The following BIN3 variants were observed in gnomAD, a reference collection of about 807,000 sequenced individuals.
BIN3 encodes the protein bridging integrator 3.
Under a neutral mutation model 38.2 loss-of-function variants are expected in BIN3, and 41 were observed. That is an observed-to-expected ratio of 1.07 (90% confidence interval 0.84 to 1.39). The LOEUF is 1.39. Ranked by LOEUF, BIN3 falls within the 40% of genes most tolerant of loss-of-function variation. BIN3 has a pLI of 0.00. For synonymous variants in BIN3, 145 were observed against 122.6 expected (o/e 1.18, Z -1.21); for missense variants, 361 against 324.3 (o/e 1.11, Z -0.87).
chr8:22,656,334 C>T (rs1291285092), intron 1 of BIN3, among the ~76,000 whole-genome samples: 1 of 151,480 alleles, frequency 6.6e-6, no homozygotes, highest in Admixed American at 6.6e-5. Context: ...AGGTTCATTC[C>T]ATGAAGTTTT....
Position 22,644,758 on chromosome 8 carries a change from T to G in BIN3, c.54A>C (p.Lys18Asn). 6.2e-7 allele frequency: 1 copy of G among 1,611,848 alleles called. No homozygotes were observed. The highest frequency in any genetic ancestry group is 8.5e-7 in the Non-Finnish European group (1 of 1,178,856). Residue 18 changes from lysine to asparagine, a missense_variant, in exon 2 of 9, where the codon AAA (lysine) becomes AAC (asparagine). Transcript: ENST00000276416. ...IGQPKKQIVP[K>N]TVERDFEREY... ...GCAAAACAATCGAGTTACTCACTGTTTTGGGCACAATCTGTTTCTTGGGCT... is the reference window on the plus strand; with the variant it reads ...GCAAAACAATCGAGTTACTCACTGTGTTGGGCACAATCTGTTTCTTGGGCT...
chr8:22,643,923 G>A (rs1802640272), intron 2 of BIN3, among the ~76,000 whole-genome samples: 1 of 152,200 alleles, frequency 6.6e-6, no homozygotes, highest in Non-Finnish European at 1.5e-5. Context: ...GGGTCAGGAG[G>A]TTGAAAAGGC....
intron 4 of BIN3, 70 bp downstream of exon 4, chr8:22,636,455 G>A (rs1226054173): frequency 4.7e-6 from 7 of 1,481,962 alleles, no homozygotes; most frequent in Admixed American, 2.0e-5. Flanking sequence ...CCCTTGGGGG[G>A]CTGAGAGAGG....
rs1554571196 is a variant in BIN3 at position 22,648,939 on chromosome 8, G to GTATGTATC, written c.9-4137_9-4136insGATACATA. On this transcript the variant is annotated intron_variant, in intron 1 of 8. Coordinates refer to ENST00000276416, the MANE Select transcript of BIN3 (RefSeq NM_018688.6). The stretch of plus-strand genomic sequence containing the variant: ...TGTATGTATGTATGTATGTATGTAT[G>GTATGTATC]TAAGTGTGTGTGTGTATTTCCTTAC... Among the ~76,000 whole-genome samples the GTATGTATC allele has an allele frequency of 6.6e-4, 100 of 151,978 alleles. 1 individual carries two copies. Among genetic ancestry groups the GTATGTATC allele is most frequent in the African/African-American group, 2.3e-3 (94 of 41,392 alleles).
intron 1 of BIN3, 99 bp from the exon 2 acceptor site, chr8:22,644,902 A>T: frequency 1.9e-6 from 2 of 1,080,370 alleles, no homozygotes; most frequent in Non-Finnish European, 2.8e-6. Flanking sequence ...CAGGAGGGCG[A>T]GGAAGCGTGG....
intron 6 of BIN3, among the ~76,000 whole-genome samples, chr8:22,627,905 C>T (rs567854390): frequency 6.6e-5 from 10 of 152,388 alleles, no homozygotes; most frequent in Admixed American, 4.6e-4. Flanking sequence ...AGACTGTAAG[C>T]TCCTGAAGTC....
chr8:22,620,988 G>A lies in BIN3; in HGVS notation c.*434C>T, dbSNP rs1046791147. On this transcript the variant is annotated 3_prime_UTR_variant, in exon 9 of 9. Transcript: ENST00000276416. ...CGCACAGGGTTCAGGGCCTCTCCCA[G>A]AAAAAAGAGGTTTTGAAGTGAAAAG... is the stretch of plus-strand genomic sequence containing the variant. The A allele has an allele frequency of 6.3e-6, 1 of 157,678 alleles. No homozygotes were observed. The highest frequency in any genetic ancestry group is 2.4e-5 in the African/African-American group (1 of 41,536). The allele number at this position is 157,678 out of a possible 1,614,324, so 9.8% of individuals were successfully genotyped here.
At chr8:22,650,844 G>C (rs57864391) in intron 1 of BIN3, among the ~76,000 whole-genome samples, 2,533 of 152,246 alleles carry the variant, frequency 0.017, 66 homozygotes, top group African/African-American at 0.057. Flanking sequence ...GGTACCCATC[G>C]CTATTTCATG....
At chr8:22,631,220 T>A (rs542170070) in intron 4 of BIN3, among the ~76,000 whole-genome samples, 4 of 152,102 alleles carry the variant, frequency 2.6e-5, no homozygotes, top group Admixed American at 1.3e-4. Context: ...TTCCTCAATA[T>A]CCAGTAGGAA....
chr8:22,662,043 C>T (rs1803253404), intron 1 of BIN3, among the ~76,000 whole-genome samples: 1 of 152,230 alleles, frequency 6.6e-6, no homozygotes, highest in Non-Finnish European at 1.5e-5. Flanking sequence ...GATCTGCCCG[C>T]CTCTGCCTCC....
At chr8:22,627,698 C>T (rs1802045779) in intron 6 of BIN3, among the ~76,000 whole-genome samples, 1 of 152,222 alleles carries the variant, frequency 6.6e-6, no homozygotes, top group East Asian at 1.9e-4. Flanking sequence ...AACCTCCTCT[C>T]CCACTCCTAG....
Position 22,623,906 on chromosome 8 carries a change from C to T in BIN3, c.615+9G>A, listed in dbSNP as rs201821439. On this transcript the variant is annotated intron_variant, in intron 8 of 8. Transcript: ENST00000276416. ...CCAAGCCCAGGGGAAGAGCACCTGG[C>T]GGCCTCACCTGAGCTCGGATGAGGG... is the stretch of plus-strand genomic sequence containing the variant. The T allele has an allele frequency of 4.8e-5, 77 of 1,610,172 alleles. No homozygotes were observed. The African/African-American group carries it at 6.0e-4, about 13-fold the overall frequency.
chr8:22,661,296 G>A (rs1321934075), intron 1 of BIN3, among the ~76,000 whole-genome samples: 3 of 147,348 alleles, frequency 2.0e-5, no homozygotes, highest in Non-Finnish European at 3.0e-5. Context: ...GCAAAATATA[G>A]TATTGCCTTA....
At chr8:22,655,444 A>G (rs986168901) in intron 1 of BIN3, among the ~76,000 whole-genome samples, 1 of 152,170 alleles carries the variant, frequency 6.6e-6, no homozygotes, top group Admixed American at 6.6e-5. Flanking sequence ...ATTTTGAGTT[A>G]ATTTTTAAAT....
At chr8:22,636,109 CAT>C (rs1314792409) in intron 4 of BIN3, among the ~76,000 whole-genome samples, 4 of 152,246 alleles carry the variant, frequency 2.6e-5, no homozygotes, top group African/African-American at 9.6e-5. Flanking sequence ...TGTTTAAACA[CAT>C]GACAGCTTCC....
chr8:22,641,526 G>A (rs1802559786), intron 2 of BIN3, among the ~76,000 whole-genome samples: 1 of 152,174 alleles, frequency 6.6e-6, no homozygotes, highest in South Asian at 2.1e-4. Context: ...GCATCTGATC[G>A]GAGTCTGAGA....
At chr8:22,667,396 T>C (rs1803455529) in intron 1 of BIN3, among the ~76,000 whole-genome samples, 1 of 152,210 alleles carries the variant, frequency 6.6e-6, no homozygotes, top group Non-Finnish European at 1.5e-5. Flanking sequence ...GCTGTGCTCT[T>C]CTCCCAACTT....
At chr8:22,656,223 GTTT>G (rs71206533) in intron 1 of BIN3, among the ~76,000 whole-genome samples, 1 of 137,174 alleles carries the variant, frequency 7.3e-6, no homozygotes, top group Non-Finnish European at 1.6e-5. Context: ...GGTCTTAAGG[GTTT>G]TTTTTTTTTT....
At chr8:22,634,407 G>A (rs1231019433) in intron 4 of BIN3, 7 of 446,474 alleles carry the variant, frequency 1.6e-5, no homozygotes, top group African/African-American at 4.1e-5. Context: ...GGCAGTCAGC[G>A]CTCACCCGGG....
Sources: allele counts gnomAD v4.1 joint callset (sites outside exome capture counted in the v4.1 genomes callset), GRCh38; gene constraint gnomAD v4.1.1; transcripts MANE v1.5; gene names NCBI Gene and HGNC (gene_info 2026-07-23, HGNC 2026-07-21).